SNX6: variants seen among roughly 807,000 people sequenced by gnomAD.
The protein encoded by SNX6 is sorting nexin 6.
A neutral mutation model predicts 63.0 loss-of-function variants in SNX6; 34 were observed. The observed-to-expected ratio is 0.54, with a 90% confidence interval of 0.41 to 0.72. SNX6 has a LOEUF of 0.72. SNX6 is among the 30% of genes least tolerant of loss of function. The probability of loss-of-function intolerance (pLI) is 0.00; values close to 1 mark genes in which losing one functional copy is unlikely to be tolerated. For synonymous variants in SNX6, 170 were observed against 164.2 expected (o/e 1.04, Z -0.27); for missense variants, 398 against 471.4 (o/e 0.84, Z 1.44).
Position 34,596,621 on chromosome 14 carries a change from G to GAA in SNX6, c.612+927_612+928dup, listed in dbSNP as rs71121212. ...GCAACAAAGCAAGACTCTATCTCAG[G>GAA]AAAAAAAAAAAAGAGAGAGAGAGAA... On this transcript the variant is annotated intron_variant, in intron 7 of 13. Coordinates refer to ENST00000362031, the MANE Select transcript of SNX6 (RefSeq NM_152233.4). 4.3e-4 allele frequency among the ~76,000 whole-genome samples: 57 copies of GAA among 131,400 alleles called. 1 individual carries two copies. Among genetic ancestry groups the GAA allele is most frequent in the East Asian group, 2.2e-3 (10 of 4,606 alleles). The allele number at this position is 131,400 out of a possible 152,430, so 86.2% of individuals were successfully genotyped here. A position where few individuals can be genotyped will look rare whatever the true frequency, so the allele number is the denominator to read the frequency against.
chr14:34,616,425 G>A (rs946871149), intron 2 of SNX6, among the ~76,000 whole-genome samples: 6 of 151,936 alleles, frequency 3.9e-5, no homozygotes, highest in Non-Finnish European at 7.4e-5. Context: ...GTTGGAATGC[G>A]GTGGCACAAT....
intron 2 of SNX6, among the ~76,000 whole-genome samples, chr14:34,615,385 CTAAT>C (rs1284266135): frequency 2.0e-5 from 3 of 152,112 alleles, no homozygotes; most frequent in African/African-American, 7.2e-5. Flanking sequence ...CCACATCTGG[CTAAT>C]TATTATTATT....
chr14:34,588,928 G>T (rs1047389060), intron 8 of SNX6, among the ~76,000 whole-genome samples: 5 of 152,162 alleles, frequency 3.3e-5, no homozygotes, highest in African/African-American at 1.2e-4. Context: ...GAGGTCAAGA[G>T]TTCAAGACCA....
At chr14:34,627,583 T>C (rs994042289) in intron 2 of SNX6, among the ~76,000 whole-genome samples, 2 of 152,192 alleles carry the variant, frequency 1.3e-5, no homozygotes, top group African/African-American at 4.8e-5. Context: ...TTCCAGTGAA[T>C]GAATCCAGTG....
In SNX6 at chr14:34,562,939, G is replaced by T; in HGVS notation, c.*183C>A. Reference sequence around the variant, plus strand: ...ATGGGGAACACAGTGCGGCATCACGGCACACAGACTGGCATCGCCTGGGCG... The same window carrying T: ...ATGGGGAACACAGTGCGGCATCACGTCACACAGACTGGCATCGCCTGGGCG... On this transcript the variant is annotated 3_prime_UTR_variant, in exon 14 of 14. Transcript: ENST00000362031. The T allele has an allele frequency of 1.6e-6, 1 of 622,216 alleles. No homozygotes were observed. The highest frequency in any genetic ancestry group is 2.9e-6 in the Non-Finnish European group (1 of 347,524). The allele number at this position is 622,216 out of a possible 1,614,324, so 38.5% of individuals were successfully genotyped here. A position where few individuals can be genotyped will look rare whatever the true frequency, so the allele number is the denominator to read the frequency against.
chr14:34,629,492 G>A (rs1883955003), intron 2 of SNX6: 1 of 483,960 alleles, frequency 2.1e-6, no homozygotes, highest in African/African-American at 2.0e-5. Context: ...GGGTGGGCGG[G>A]AGCAAGTTCG....
chr14:34,608,934 A>G (rs1883119570), intron 3 of SNX6, among the ~76,000 whole-genome samples: 1 of 152,118 alleles, frequency 6.6e-6, no homozygotes, highest in African/African-American at 2.4e-5. Context: ...AGGCTGAGAC[A>G]GGAGAACTGC....
At position 34,574,120 on chromosome 14, in the gene SNX6, G is replaced by A. The variant is rs528410645; in HGVS notation, c.921+1636C>T. Among the ~76,000 whole-genome samples the A allele has an allele frequency of 7.6e-4, 114 of 150,178 alleles. 1 individual carries two copies. Among genetic ancestry groups the A allele is most frequent in the Non-Finnish European group, 1.0e-3 (68 of 67,464 alleles). ...TGGGAGGCCGAGGTGGGGGGATCAC[G>A]GGGTCAGGAGTTCGAGACCAGCCTG... On this transcript the variant is annotated intron_variant, in intron 11 of 13. Coordinates refer to ENST00000362031, the MANE Select transcript of SNX6 (RefSeq NM_152233.4).
chr14:34,570,828 A>C (rs1271038461), intron 11 of SNX6, among the ~76,000 whole-genome samples: 1 of 147,594 alleles, frequency 6.8e-6, no homozygotes, highest in Non-Finnish European at 1.5e-5. Flanking sequence ...GGTTCATGCC[A>C]TTCTCCTGCC....
chr14:34,629,271 T>G (rs570600592), intron 2 of SNX6, among the ~76,000 whole-genome samples: 2 of 151,900 alleles, frequency 1.3e-5, no homozygotes, highest in Non-Finnish European at 2.9e-5. Context: ...TATTTGTCAA[T>G]ATACCTCAAA....
At chr14:34,623,405 AG>A (rs1168913428) in intron 2 of SNX6, among the ~76,000 whole-genome samples, 1 of 152,162 alleles carries the variant, frequency 6.6e-6, no homozygotes, top group Non-Finnish European at 1.5e-5. Context: ...TTATGAACAG[AG>A]TTGAATGTTA....
intron 2 of SNX6, among the ~76,000 whole-genome samples, chr14:34,614,712 G>A (rs1219417276): frequency 3.9e-5 from 6 of 152,252 alleles, no homozygotes; most frequent in African/African-American, 1.4e-4. Context: ...GAGCCCAGGA[G>A]TTTGAGACCA....
chr14:34,572,675 T>TC (rs1881498765), intron 11 of SNX6, among the ~76,000 whole-genome samples: 1 of 151,548 alleles, frequency 6.6e-6, no homozygotes, highest in Non-Finnish European at 1.5e-5. Context: ...ATTTGTGTTT[T>TC]TTTTGTTTTT....
At chr14:34,609,339 G>A (rs1338152293) in intron 3 of SNX6, among the ~76,000 whole-genome samples, 20 of 151,580 alleles carry the variant, frequency 1.3e-4, no homozygotes, top group Admixed American at 1.3e-3. Context: ...AAATTAGCCG[G>A]ACATGGTGGT....
At chr14:34,629,539 G>A (rs772919050) in intron 2 of SNX6, 3 of 530,012 alleles carry the variant, frequency 5.7e-6, no homozygotes, top group South Asian at 3.1e-5. Flanking sequence ...GGGTGCCGCT[G>A]GGAAGGTCCG....
intron 6 of SNX6, among the ~76,000 whole-genome samples, chr14:34,597,994 T>C (rs1882667807): frequency 6.6e-6 from 1 of 152,180 alleles, no homozygotes; most frequent in Admixed American, 6.5e-5. Context: ...CAATTAAAAT[T>C]TTAGCTCGGG....
chr14:34,625,489 T>A (rs1883791936), intron 2 of SNX6, among the ~76,000 whole-genome samples: 1 of 152,062 alleles, frequency 6.6e-6, no homozygotes. Context: ...TCCCAGCACT[T>A]TGGGAGGCCG....
chr14:34,565,298 C>T lies in SNX6; in HGVS notation c.1168-2123G>A, dbSNP rs939438738. Reference sequence around the variant, plus strand: ...TTCACCGTGGTAGCCAGGATGGTCTCGATCTCCTGACCTCGTGATCTGCCC... The same window carrying T: ...TTCACCGTGGTAGCCAGGATGGTCTTGATCTCCTGACCTCGTGATCTGCCC... On this transcript the variant is annotated intron_variant, in intron 13 of 13. Coordinates refer to ENST00000362031, the MANE Select transcript of SNX6 (RefSeq NM_152233.4). Among the ~76,000 whole-genome samples the T allele has an allele frequency of 3.3e-5, 5 of 151,604 alleles. No homozygotes were observed. The East Asian group carries it at 7.8e-4, about 24-fold the overall frequency.
chr14:34,619,803 G>T (rs980302068), intron 2 of SNX6, among the ~76,000 whole-genome samples: 1 of 151,866 alleles, frequency 6.6e-6, no homozygotes, highest in Admixed American at 6.6e-5. Flanking sequence ...TTTCCTGCTG[G>T]TCCCTTCAAC....
Sources: allele counts gnomAD v4.1 joint callset (sites outside exome capture counted in the v4.1 genomes callset), GRCh38; gene constraint gnomAD v4.1.1; transcripts MANE v1.5; gene names NCBI Gene and HGNC (gene_info 2026-07-23, HGNC 2026-07-21).